The following SLC39A11 variants were observed in gnomAD, a reference collection of about 807,000 sequenced individuals.
The protein encoded by SLC39A11 is zinc transporter ZIP11.
A neutral mutation model predicts 36.1 loss-of-function variants in SLC39A11; 33 were observed. That is an observed-to-expected ratio of 0.91 (90% CI 0.69 to 1.22). The LOEUF (loss-of-function observed/expected upper bound fraction) is 1.22, where lower values mean the gene tolerates loss of function less well. Among genes scored for constraint, SLC39A11 ranks in the 50% most tolerant of loss-of-function variants. SLC39A11 has a pLI of 0.00. For synonymous variants in SLC39A11, 166 were observed against 170.3 expected, an observed-to-expected ratio of 0.97 and a Z score of 0.20; for missense variants, 432 against 430.3, an observed-to-expected ratio of 1.00 and a Z score of -0.03.
intron 4 of SLC39A11, among the ~76,000 whole-genome samples, chr17:73,013,404 A>G (rs4969053): frequency 0.98 from 148,773 of 152,356 alleles, 72,748 homozygotes; most frequent in Middle Eastern, 1. Flanking sequence ...TTTAGCTTCC[A>G]CTTATAAGTA....
intron 5 of SLC39A11, among the ~76,000 whole-genome samples, chr17:72,900,976 A>C (rs200918235): frequency 4.8e-5 from 2 of 41,662 alleles, no homozygotes; most frequent in African/African-American, 1.9e-4. Context: ...AAACAAACAA[A>C]CAACAAAAAA....
chr17:72,699,031 A>T (rs148145673), intron 7 of SLC39A11, among the ~76,000 whole-genome samples: 3 of 152,078 alleles, frequency 2.0e-5, no homozygotes, highest in East Asian at 1.9e-4. Context: ...GGGTTTCACC[A>T]TGTTAGCCAG....
intron 6 of SLC39A11, among the ~76,000 whole-genome samples, chr17:72,792,198 AGGCCATGTGG>A (rs986347733): frequency 6.6e-6 from 1 of 152,192 alleles, no homozygotes; most frequent in African/African-American, 2.4e-5. Context: ...AGAACATCGC[AGGCCATGTGG>A]GGCCACTCAA....
At chr17:72,685,303 G>C (rs778634562) in intron 7 of SLC39A11, among the ~76,000 whole-genome samples, 5 of 51,088 alleles carry the variant, frequency 9.8e-5, no homozygotes, top group African/African-American at 5.2e-4. Context: ...GTTTAGGAAG[G>C]GTGTTTAGAG....
intron 5 of SLC39A11, among the ~76,000 whole-genome samples, chr17:72,901,055 G>C (rs1457177773): frequency 6.6e-6 from 1 of 152,072 alleles, no homozygotes; most frequent in Non-Finnish European, 1.5e-5. Context: ...CAACGCTGAG[G>C]AAACCCATCA....
intron 3 of SLC39A11, among the ~76,000 whole-genome samples, chr17:73,033,522 G>T (rs958609689): frequency 1.3e-5 from 2 of 152,158 alleles, no homozygotes; most frequent in African/African-American, 2.4e-5. Flanking sequence ...CTACTGGGGA[G>T]CCTTGAGCCC....
intron 4 of SLC39A11, among the ~76,000 whole-genome samples, chr17:72,976,667 G>C (rs1013960625): frequency 6.6e-6 from 1 of 152,172 alleles, no homozygotes; most frequent in African/African-American, 2.4e-5. Context: ...AGGCCAACAT[G>C]GTGAAACCCC....
intron 6 of SLC39A11, among the ~76,000 whole-genome samples, chr17:72,804,751 A>G (rs934070875): frequency 6.6e-6 from 1 of 152,216 alleles, no homozygotes. Flanking sequence ...CCGGCCACGC[A>G]GTGGCTCACA....
chr17:72,941,727 G>A (rs2085112219), intron 5 of SLC39A11, among the ~76,000 whole-genome samples: 1 of 152,050 alleles, frequency 6.6e-6, no homozygotes, highest in Admixed American at 6.6e-5. Context: ...ACAGATCCCT[G>A]TCCAAGAAGG....
intron 3 of SLC39A11, among the ~76,000 whole-genome samples, chr17:73,076,653 C>T (rs940763072): frequency 8.5e-5 from 13 of 152,132 alleles, no homozygotes; most frequent in African/African-American, 2.9e-4. Flanking sequence ...GGGAGCAAAG[C>T]CTTTACGATA....
intron 5 of SLC39A11, among the ~76,000 whole-genome samples, chr17:72,930,584 A>G (rs758847849): frequency 7.9e-5 from 12 of 152,212 alleles, no homozygotes; most frequent in Non-Finnish European, 1.3e-4. Context: ...CACACAGAAG[A>G]AGCGACTACA....
chr17:72,705,149 A>G (rs2072835786), intron 7 of SLC39A11, among the ~76,000 whole-genome samples: 1 of 152,218 alleles, frequency 6.6e-6, no homozygotes, highest in Non-Finnish European at 1.5e-5. Flanking sequence ...AGTTTAGGAC[A>G]ATATGAATTG....
chr17:72,925,155 C>T (rs2083966787), intron 5 of SLC39A11, among the ~76,000 whole-genome samples: 1 of 152,114 alleles, frequency 6.6e-6, no homozygotes, highest in South Asian at 2.1e-4. Flanking sequence ...TTTTGAAATA[C>T]AAGTGCTCAC....
chr17:72,901,373 G>A lies in SLC39A11; in HGVS notation c.430+46379C>T, dbSNP rs565230221. On this transcript the variant is annotated intron_variant, in intron 5 of 9. Coordinates refer to ENST00000255559, the MANE Select transcript of SLC39A11 (RefSeq NM_139177.4). The stretch of plus-strand genomic sequence containing the variant: ...CCTAAGACAATTAGAGGCGTGGGTT[G>A]TGGGTGGAAGGCAGGGACTGGCAAC... Among the ~76,000 whole-genome samples, 4 of 152,342 alleles carry A rather than the reference G, an allele frequency of 2.6e-5. No homozygotes were observed. In the East Asian group the frequency reaches 5.8e-4, roughly 22 times the overall value.
chr17:73,009,417 T>C (rs1157769196), intron 4 of SLC39A11, among the ~76,000 whole-genome samples: 2 of 151,016 alleles, frequency 1.3e-5, no homozygotes, highest in Non-Finnish European at 2.9e-5. Context: ...TGGATCAACC[T>C]TGAAAACACA....
At chr17:72,713,936 T>C (rs779601081) in intron 7 of SLC39A11, among the ~76,000 whole-genome samples, 2 of 152,058 alleles carry the variant, frequency 1.3e-5, no homozygotes, top group African/African-American at 4.8e-5. Context: ...AGAAGTGAAA[T>C]GACATTTCAA....
intron 5 of SLC39A11, among the ~76,000 whole-genome samples, chr17:72,898,794 T>G (rs1002124522): frequency 1.3e-5 from 2 of 152,242 alleles, no homozygotes; most frequent in Non-Finnish European, 1.5e-5. Context: ...TCTCTTTTCT[T>G]TTCTGCAGCG....
At chr17:72,809,898 C>T (rs2077379668) in intron 6 of SLC39A11, among the ~76,000 whole-genome samples, 1 of 151,882 alleles carries the variant, frequency 6.6e-6, no homozygotes, top group South Asian at 2.1e-4. Context: ...GAAGAAACCT[C>T]GTCTCTACTA....
In SLC39A11 at chr17:73,024,864, ATT is replaced by A. The variant is rs1163840820; in HGVS notation, c.306+6690_306+6691del. On this transcript the variant is annotated intron_variant, in intron 4 of 9. Transcript: ENST00000255559. Reference sequence around the variant, plus strand: ...AGACACGCAACACCATGCCCAGCTAATTTTTTTTTTTTTTTTTTTTTTTGTAT... The same window carrying A: ...AGACACGCAACACCATGCCCAGCTAATTTTTTTTTTTTTTTTTTTTTGTAT... Among the ~76,000 whole-genome samples, 335 of 97,860 alleles carry A rather than the reference ATT, an allele frequency of 3.4e-3. 2 individuals carry two copies. The highest frequency in any genetic ancestry group is 5.9e-3 in the African/African-American group (153 of 25,968). 64.2% of individuals were successfully genotyped at this position (97,860 alleles called of 152,430 possible). A position where few individuals can be genotyped will look rare whatever the true frequency, so the allele number is the denominator to read the frequency against.
Sources: allele counts gnomAD v4.1 joint callset (sites outside exome capture counted in the v4.1 genomes callset), GRCh38; gene constraint gnomAD v4.1.1; transcripts MANE v1.5; gene names NCBI Gene and HGNC (gene_info 2026-07-23, HGNC 2026-07-21).